Variants in HHLA1 observed in about 807,000 individuals in gnomAD.
The protein encoded by HHLA1 is HHLA1 neighbor of OC90.
In HHLA1, 72 loss-of-function variants were observed where a neutral mutation model predicts 69.9. That is an observed-to-expected ratio of 1.03 (90% confidence interval 0.85 to 1.25). The LOEUF (loss-of-function observed/expected upper bound fraction) is 1.25. Among genes scored for constraint, HHLA1 ranks in the 50% most tolerant of loss-of-function variants. The probability of loss-of-function intolerance (pLI) is 0.00; values close to 1 mark genes in which losing one functional copy is unlikely to be tolerated. For missense variants in HHLA1, 685 were observed against 642.2 expected (o/e 1.07, Z -0.72); for synonymous variants, 252 against 233.2 (o/e 1.08, Z -0.73).
intron 3 of HHLA1, 104 bp downstream of exon 3, chr8:132,104,004 C>T (rs6998880): frequency 0.59 from 441,095 of 747,590 alleles, 131,295 homozygotes; most frequent in Admixed American, 0.67. Flanking sequence ...GTGTTAGATG[C>T]GGATATAATC....
At chr8:132,109,878 C>T (rs1824266748) in intron 1 of HHLA1, among the ~76,000 whole-genome samples, 1 of 152,186 alleles carries the variant, frequency 6.6e-6, no homozygotes, top group South Asian at 2.1e-4. Context: ...TCCAGTCACA[C>T]TCCCGGGAGA....
chr8:132,102,265 T>A (rs1824121874), intron 3 of HHLA1, among the ~76,000 whole-genome samples: 1 of 152,264 alleles, frequency 6.6e-6, no homozygotes, highest in African/African-American at 2.4e-5. Context: ...TAGGTTGCTA[T>A]CTTCTGCTTT....
chr8:132,076,083 G>T lies in HHLA1; in HGVS notation c.1287C>A (p.Val429=). ...AAACTTGATGGGGTCTTGGGACCAG[G>T]ACTGGCTCTTCACCAGCAGTGAATG... ...EWPFTAGEEP[V]LVPRPHQVSR... The change falls in exon 14 of 17, where the codon GTC becomes GTA. Residue 429 remains valine, a synonymous_variant. Transcript: ENST00000414222. 6.4e-7 allele frequency: 1 copy of T among 1,551,404 alleles called. No individual in the cohort carries two copies. Among genetic ancestry groups the T allele is most frequent in the South Asian group, 1.2e-5 (1 of 84,054 alleles).
rs376212672 is a variant in HHLA1, at chr8:132,063,975, C to G, written c.*20G>C. On this transcript the variant is annotated 3_prime_UTR_variant, in exon 17 of 17. Coordinates refer to ENST00000414222, the MANE Select transcript of HHLA1 (RefSeq NM_001145095.3). ...TATCCCCTGAAGTAATTGTTATGCC[C>G]TAGTGTTATTTTCAAGGCCTCACAC... 7.1e-5 allele frequency: 91 copies of G among 1,286,406 alleles called. 1 individual carries two copies. The highest frequency in any genetic ancestry group is 8.2e-6 in the Non-Finnish European group (8 of 974,328). The allele number at this position is 1,286,406 out of a possible 1,614,324, so 79.7% of individuals were successfully genotyped here.
intron 5 of HHLA1, 49 bp downstream of exon 5, chr8:132,098,833 G>T: frequency 8.1e-7 from 1 of 1,230,062 alleles, no homozygotes; most frequent in Non-Finnish European, 1.2e-6. Context: ...AAAGACACTG[G>T]TACAAGAAAA....
At chr8:132,103,240 G>A (rs976186513) in intron 3 of HHLA1, among the ~76,000 whole-genome samples, 3 of 152,190 alleles carry the variant, frequency 2.0e-5, no homozygotes, top group Admixed American at 6.5e-5. Flanking sequence ...GGAAGCTGTT[G>A]GCTGGGGGAG....
chr8:132,062,489 A>G lies in HHLA1; in HGVS notation c.*1506T>C, dbSNP rs1823369033. The G allele has an allele frequency of 6.6e-6, 1 of 152,178 alleles. No individual in the cohort carries two copies. Among genetic ancestry groups the G allele is most frequent in the Non-Finnish European group, 1.5e-5 (1 of 68,044 alleles). The allele number at this position is 152,178 out of a possible 1,614,324, so 9.4% of individuals were successfully genotyped here. On this transcript the variant is annotated 3_prime_UTR_variant, in exon 17 of 17. Coordinates refer to ENST00000414222, the MANE Select transcript of HHLA1 (RefSeq NM_001145095.3). ...ACTTTCCTCACCCAAGGGCAGCCCTAGGTCACAAAAGGGTAAAAAAAATAC... is the reference window on the plus strand; with the variant it reads ...ACTTTCCTCACCCAAGGGCAGCCCTGGGTCACAAAAGGGTAAAAAAAATAC...
intron 1 of HHLA1, among the ~76,000 whole-genome samples, chr8:132,105,719 A>T (rs1164106436): frequency 6.6e-6 from 1 of 152,234 alleles, no homozygotes; most frequent in Non-Finnish European, 1.5e-5. Context: ...AAAATTACTT[A>T]TATGACCCTG....
intron 15 of HHLA1, among the ~76,000 whole-genome samples, chr8:132,071,051 A>G (rs575894297): frequency 1.3e-5 from 2 of 152,102 alleles, no homozygotes; most frequent in African/African-American, 4.8e-5. Context: ...CACAACTCCA[A>G]TTCAACTCAA....
At chr8:132,083,557 C>A (rs187048607) in intron 10 of HHLA1, among the ~76,000 whole-genome samples, 8 of 152,138 alleles carry the variant, frequency 5.3e-5, no homozygotes, top group African/African-American at 9.7e-5. Context: ...CTTGGGCCAG[C>A]GTTCCAAGGG....
chr8:132,108,910 T>G (rs1215692341), intron 1 of HHLA1, among the ~76,000 whole-genome samples: 7 of 152,376 alleles, frequency 4.6e-5, no homozygotes, highest in Non-Finnish European at 5.9e-5. Context: ...AAAGCTCTTT[T>G]CCTTTGTCTT....
At chr8:132,083,366 G>T (rs925977956) in intron 10 of HHLA1, among the ~76,000 whole-genome samples, 1 of 152,026 alleles carries the variant, frequency 6.6e-6, no homozygotes, top group Non-Finnish European at 1.5e-5. Context: ...CCCTTGAAAA[G>T]AAGGTAATGT....
rs372883906 is a variant in HHLA1, at chr8:132,068,143, A to G, written c.1470-2175T>C. 2.0e-4 allele frequency among the ~76,000 whole-genome samples: 30 copies of G among 152,356 alleles called. 1 individual carries two copies. The East Asian group carries it at 3.1e-3, about 16-fold the overall frequency. ...TAGAAGTTCATATTGCTAGATGGAC[A>G]ACATCATCCAAACTAAGGTGCTCTG... On this transcript the variant is annotated intron_variant, in intron 15 of 16. Coordinates refer to ENST00000414222, the MANE Select transcript of HHLA1 (RefSeq NM_001145095.3).
intron 3 of HHLA1, among the ~76,000 whole-genome samples, chr8:132,102,380 G>A (rs1227354359): frequency 6.6e-6 from 1 of 152,102 alleles, no homozygotes. Flanking sequence ...AAGCTTCTGG[G>A]GTTAGAGGTA....
At chr8:132,082,101 T>C (rs1338621821) in intron 10 of HHLA1, among the ~76,000 whole-genome samples, 1 of 152,084 alleles carries the variant, frequency 6.6e-6, no homozygotes, top group Non-Finnish European at 1.5e-5. Flanking sequence ...TCAGGAATAA[T>C]GTGGGAGGCC....
intron 10 of HHLA1, among the ~76,000 whole-genome samples, chr8:132,082,339 G>A (rs1385927614): frequency 1.3e-5 from 2 of 152,214 alleles, no homozygotes; most frequent in South Asian, 2.1e-4. Context: ...ATGAGGGCTA[G>A]GCTAAAACAG....
At position 132,087,659 on chromosome 8, in the gene HHLA1, C is replaced by T; in HGVS notation, c.670G>A (p.Val224Ile). Residue 224 changes from valine to isoleucine, a missense_variant, in exon 10 of 17, where the codon GTT becomes ATT. Coordinates refer to ENST00000414222, the MANE Select transcript of HHLA1 (RefSeq NM_001145095.3). The part of the protein sequence containing the change: ...NYTFTSGLSG[V>I]LGAATRGTAR... The stretch of plus-strand genomic sequence containing the variant: ...TTGGGAGGTTGGTACTCACCCAGAA[C>T]ACCAGACAAGCCGCTGGTAAATGTG... 6.5e-7 allele frequency: 1 copy of T among 1,549,210 alleles called. No individual in the cohort carries two copies. The highest frequency in any genetic ancestry group is 8.7e-7 in the Non-Finnish European group (1 of 1,144,780).
At chr8:132,074,139 TC>T (rs1823595836) in intron 14 of HHLA1, among the ~76,000 whole-genome samples, 1 of 152,176 alleles carries the variant, frequency 6.6e-6, no homozygotes, top group African/African-American at 2.4e-5. Context: ...TCAACATCAG[TC>T]CTTTTAAGGT....
chr8:132,069,401 G>A (rs545636300), intron 15 of HHLA1, among the ~76,000 whole-genome samples: 13 of 152,028 alleles, frequency 8.6e-5, no homozygotes, highest in Admixed American at 2.6e-4. Context: ...CAGAGGCTAC[G>A]TTCAGCAAAC....
Sources: allele counts gnomAD v4.1 joint callset (sites outside exome capture counted in the v4.1 genomes callset), GRCh38; gene constraint gnomAD v4.1.1; transcripts MANE v1.5; gene names NCBI Gene and HGNC (gene_info 2026-07-23, HGNC 2026-07-21).